ENPP6: variants seen among roughly 807,000 people sequenced by gnomAD.
The protein encoded by ENPP6 is glycerophosphocholine cholinephosphodiesterase ENPP6.
A neutral mutation model predicts 42.0 loss-of-function variants in ENPP6; 32 were observed. That is an observed-to-expected ratio of 0.76 (90% CI 0.58 to 1.02). The LOEUF (loss-of-function observed/expected upper bound fraction) is 1.02. Ranked by LOEUF, ENPP6 falls within the 50% of genes least tolerant of loss-of-function variation. The pLI is 0.00. For synonymous variants in ENPP6, 213 were observed against 216.0 expected (o/e 0.99, Z 0.12); for missense variants, 552 against 566.8 (o/e 0.97, Z 0.27).
chr4:184,196,018 A>C (rs559155359), intron 1 of ENPP6, among the ~76,000 whole-genome samples: 4 of 152,326 alleles, frequency 2.6e-5, no homozygotes, highest in Non-Finnish European at 5.9e-5. Context: ...TTTTCAACTT[A>C]GACTTGAGTG....
At chr4:184,159,676 T>C (rs1447227578) in intron 1 of ENPP6, among the ~76,000 whole-genome samples, 1 of 152,164 alleles carries the variant, frequency 6.6e-6, no homozygotes, top group Non-Finnish European at 1.5e-5. Flanking sequence ...TTCAATAGAT[T>C]TTGTGGTATA....
intron 2 of ENPP6, among the ~76,000 whole-genome samples, chr4:184,131,810 C>T (rs1159605386): frequency 1.3e-5 from 2 of 148,370 alleles, no homozygotes; most frequent in Admixed American, 1.3e-4. Context: ...CACACACACA[C>T]ACACACACAC....
chr4:184,113,961 TTC>T (rs1163832636), intron 5 of ENPP6, among the ~76,000 whole-genome samples: 2 of 141,076 alleles, frequency 1.4e-5, no homozygotes, highest in Admixed American at 7.3e-5. Context: ...CTTTCTTTCT[TTC>T]TCTCTTTCTT....
intron 1 of ENPP6, among the ~76,000 whole-genome samples, chr4:184,171,561 T>C (rs1489928920): frequency 6.6e-6 from 1 of 152,178 alleles, no homozygotes; most frequent in Non-Finnish European, 1.5e-5. Context: ...TCTGCCACCA[T>C]GAGAAAACAA....
chr4:184,092,010 A>C (rs1228951099), intron 7 of ENPP6, among the ~76,000 whole-genome samples: 2 of 152,204 alleles, frequency 1.3e-5, no homozygotes, highest in East Asian at 3.9e-4. Flanking sequence ...ATGCTGCTCC[A>C]TGTCTGCAGA....
intron 2 of ENPP6, among the ~76,000 whole-genome samples, chr4:184,145,815 C>T (rs1023780859): frequency 5.9e-5 from 9 of 152,314 alleles, no homozygotes; most frequent in African/African-American, 2.2e-4. Flanking sequence ...GATAGATGTG[C>T]GATGCGTGTC....
At chr4:184,206,660 T>G (rs938796741) in intron 1 of ENPP6, among the ~76,000 whole-genome samples, 1 of 152,178 alleles carries the variant, frequency 6.6e-6, no homozygotes, top group Admixed American at 6.5e-5. Flanking sequence ...TTAATTTAAA[T>G]CAGATGTTTT....
rs748287540 is a variant in ENPP6 at position 184,117,888 on chromosome 4, G to A, written c.546C>T (p.Ala182=). ...DALDSFKSGR[A]DLAAIYHERI... is the part of the protein sequence containing the mutation. ...GCTCATGGTATATGGCTGCCAGGTC[G>A]GCCCGGCCACTCCTGGAGGGACAGA... is the stretch of plus-strand genomic sequence containing the variant. Residue 182 remains alanine (A), a synonymous_variant, in exon 4 of 8, where the codon GCC becomes GCT. Coordinates refer to ENST00000296741, the MANE Select transcript of ENPP6 (RefSeq NM_153343.4). 6.8e-6 allele frequency: 11 copies of A among 1,613,942 alleles called. No homozygotes were observed. The highest frequency in any genetic ancestry group is 3.3e-5 in the South Asian group (3 of 91,072).
chr4:184,113,916 TTTC>T (rs1243660629), intron 5 of ENPP6, among the ~76,000 whole-genome samples: 5 of 132,140 alleles, frequency 3.8e-5, no homozygotes, highest in African/African-American at 5.7e-5. Flanking sequence ...TCTTTCTTTC[TTTC>T]TTTCTTTCTT....
chr4:184,216,191 T>A (rs1325547819), intron 1 of ENPP6, among the ~76,000 whole-genome samples: 1 of 152,138 alleles, frequency 6.6e-6, no homozygotes, highest in Non-Finnish European at 1.5e-5. Flanking sequence ...CACAATCACG[T>A]CTATGTGAGA....
intron 1 of ENPP6, among the ~76,000 whole-genome samples, chr4:184,156,107 G>A (rs1737155446): frequency 6.6e-6 from 1 of 152,208 alleles, no homozygotes; most frequent in African/African-American, 2.4e-5. Context: ...GCGCTTTCAA[G>A]AAGGTCACCT....
Position 184,090,851 on chromosome 4 carries a change from A to G in ENPP6, c.*326T>C, listed in dbSNP as rs1735776612. The G allele has an allele frequency of 4.6e-6, 2 of 434,040 alleles. No homozygotes were observed. The highest frequency in any genetic ancestry group is 4.0e-5 in the Admixed American group (1 of 25,236). 26.9% of individuals were successfully genotyped at this position (434,040 alleles called of 1,614,324 possible). A position where few individuals can be genotyped will look rare whatever the true frequency, so the allele number is the denominator to read the frequency against. On this transcript the variant is annotated 3_prime_UTR_variant, in exon 8 of 8. Coordinates refer to ENST00000296741, the MANE Select transcript of ENPP6 (RefSeq NM_153343.4). ...GGGCCCAGAGCCACGTCTGTCTGCA[A>G]TAACCACTCCAAGTTTGGTTGCTGC... is the stretch of plus-strand genomic sequence containing the variant.
intron 6 of ENPP6, among the ~76,000 whole-genome samples, chr4:184,098,633 C>T (rs908461578): frequency 4.5e-4 from 68 of 152,278 alleles, no homozygotes; most frequent in African/African-American, 1.4e-3. Context: ...GGATGGGTTC[C>T]GGAACCATCA....
chr4:184,178,425 G>A (rs1732488548), intron 1 of ENPP6, among the ~76,000 whole-genome samples: 1 of 152,124 alleles, frequency 6.6e-6, no homozygotes, highest in Admixed American at 6.5e-5. Context: ...CAAAGAGAAT[G>A]GAACCAAGCT....
chr4:184,112,137 G>A (rs1482592955), intron 6 of ENPP6, among the ~76,000 whole-genome samples: 1 of 152,224 alleles, frequency 6.6e-6, no homozygotes, highest in African/African-American at 2.4e-5. Flanking sequence ...TGATGCCAGA[G>A]CTGGATGAGC....
At chr4:184,131,145 C>CTTTCTTTCTTTCT (rs1490404678) in intron 2 of ENPP6, among the ~76,000 whole-genome samples, 1 of 34,594 alleles carries the variant, frequency 2.9e-5, no homozygotes, top group Non-Finnish European at 5.8e-5. Flanking sequence ...CACTTACTTT[C>CTTTCTTTCTTTCT]TTTCTTTCTT....
At chr4:184,097,507 T>G in intron 6 of ENPP6, 139 bp from the exon 7 acceptor site, 2 of 1,257,976 alleles carry the variant, frequency 1.6e-6, no homozygotes, top group Admixed American at 4.7e-5. Context: ...CAACCTCCGC[T>G]GCGGCACTTC....
intron 1 of ENPP6, among the ~76,000 whole-genome samples, chr4:184,207,981 T>C (rs1265538228): frequency 7.8e-6 from 1 of 128,962 alleles, no homozygotes; most frequent in Non-Finnish European, 1.7e-5. Flanking sequence ...ACTGTCATAT[T>C]GGAATAGCCC....
At chr4:184,209,737 G>A (rs1439910136) in intron 1 of ENPP6, among the ~76,000 whole-genome samples, 7 of 147,972 alleles carry the variant, frequency 4.7e-5, no homozygotes, top group Non-Finnish European at 8.9e-5. Flanking sequence ...TACAGAGAAC[G>A]CCACAAAGAT....
Sources: allele counts gnomAD v4.1 joint callset (sites outside exome capture counted in the v4.1 genomes callset), GRCh38; gene constraint gnomAD v4.1.1; transcripts MANE v1.5; gene names NCBI Gene and HGNC (gene_info 2026-07-23, HGNC 2026-07-21).